The following ZFPM2 variants were observed in gnomAD, a reference collection of about 807,000 sequenced individuals.
ZFPM2 encodes zinc finger protein ZFPM2.
ZFPM2 carries 20 observed loss-of-function variants against 98.6 expected under a neutral mutation model. That is an observed-to-expected ratio of 0.20 (90% CI 0.14 to 0.29). The LOEUF (loss-of-function observed/expected upper bound fraction) is 0.29. Among genes scored for constraint, ZFPM2 ranks in the 10% least tolerant of loss-of-function variants. ZFPM2 has a pLI of 1.00. For missense variants in ZFPM2, 1,310 were observed against 1,388.6 expected, an observed-to-expected ratio of 0.94 and a Z score of 0.90; for synonymous variants, 518 against 502.7, an observed-to-expected ratio of 1.03 and a Z score of -0.41.
At chr8:105,660,496 G>A (rs567973933) in intron 5 of ZFPM2, among the ~76,000 whole-genome samples, 1 of 152,260 alleles carries the variant, frequency 6.6e-6, no homozygotes, top group African/African-American at 2.4e-5. Context: ...ATGGTAAAAG[G>A]AAGTATCATA....
At chr8:105,489,793 C>T (rs189997473) in intron 3 of ZFPM2, among the ~76,000 whole-genome samples, 1 of 152,060 alleles carries the variant, frequency 6.6e-6, no homozygotes, top group East Asian at 1.9e-4. Context: ...GAGTTGTTTT[C>T]TCATTCTTAA....
intron 3 of ZFPM2, among the ~76,000 whole-genome samples, chr8:105,526,399 GC>G (rs1409230195): frequency 6.6e-6 from 1 of 152,130 alleles, no homozygotes; most frequent in Admixed American, 6.6e-5. Context: ...TGAAGAAAAT[GC>G]AAGAAGAATG....
intron 4 of ZFPM2, among the ~76,000 whole-genome samples, chr8:105,588,830 A>G (rs1815781983): frequency 6.6e-6 from 1 of 152,152 alleles, no homozygotes. Flanking sequence ...TAGAGTAAGG[A>G]TGTATGTCAG....
intron 2 of ZFPM2, among the ~76,000 whole-genome samples, chr8:105,420,867 C>T (rs1034326167): frequency 3.9e-5 from 6 of 151,942 alleles, no homozygotes; most frequent in East Asian, 1.9e-4. Context: ...AAAGAGTTAA[C>T]GTATGGATTT....
intron 2 of ZFPM2, among the ~76,000 whole-genome samples, chr8:105,441,288 A>G (rs1386200406): frequency 1.3e-5 from 2 of 151,794 alleles, no homozygotes; most frequent in Admixed American, 6.6e-5. Context: ...TTCTGTAACT[A>G]TCATACTGTA....
chr8:105,574,323 T>A (rs1183026205), intron 4 of ZFPM2, among the ~76,000 whole-genome samples: 1 of 152,186 alleles, frequency 6.6e-6, no homozygotes, highest in Non-Finnish European at 1.5e-5. Flanking sequence ...AAAACACATA[T>A]TTTTAGGAAG....
intron 1 of ZFPM2, among the ~76,000 whole-genome samples, chr8:105,370,377 A>G (rs188020498): frequency 2.0e-3 from 302 of 152,320 alleles, no homozygotes; most frequent in African/African-American, 7.1e-3. Context: ...ACCTTTCCCA[A>G]ATTGTGACGT....
chr8:105,370,852 T>C (rs1313532344), intron 1 of ZFPM2, among the ~76,000 whole-genome samples: 2 of 152,216 alleles, frequency 1.3e-5, no homozygotes, highest in Admixed American at 1.3e-4. Flanking sequence ...GATCTGGGAT[T>C]TGAACGCAAC....
At position 105,803,004 on chromosome 8, in the gene ZFPM2, A is replaced by G. The variant is rs1814087216; in HGVS notation, c.2922A>G (p.Lys974=). The part of the protein sequence containing the change: ...PQCLYPGAIK[K]AKGADQLSPY... ...GCCTTTACCCTGGAGCAATAAAGAA[A>G]GCAAAAGGAGCCGACCAGCTTTCTC... Residue 974 remains lysine, a synonymous_variant, in exon 8 of 8, where the codon AAA becomes AAG. Coordinates refer to ENST00000407775, the MANE Select transcript of ZFPM2 (RefSeq NM_012082.4). 1 of 1,613,124 alleles carries G rather than the reference A, an allele frequency of 6.2e-7. No individual in the cohort carries two copies. Among genetic ancestry groups the G allele is most frequent in the South Asian group, 1.1e-5 (1 of 90,980 alleles).
intron 3 of ZFPM2, among the ~76,000 whole-genome samples, chr8:105,551,938 A>G (rs1250697614): frequency 1.9e-5 from 2 of 103,788 alleles, no homozygotes; most frequent in Non-Finnish European, 3.6e-5. Flanking sequence ...AATATCAGCA[A>G]TGACTTGTGA....
intron 1 of ZFPM2, among the ~76,000 whole-genome samples, chr8:105,325,560 G>A (rs190999641): frequency 1.3e-5 from 2 of 151,888 alleles, no homozygotes; most frequent in East Asian, 3.9e-4. Flanking sequence ...CTCTCTGATC[G>A]TCATGGCAAC....
chr8:105,626,198 C>G (rs1331935850), intron 4 of ZFPM2, among the ~76,000 whole-genome samples: 1 of 152,096 alleles, frequency 6.6e-6, no homozygotes, highest in African/African-American at 2.4e-5. Flanking sequence ...TGTTGAGACT[C>G]TAGACCATGC....
At chr8:105,489,253 T>C (rs1283763439) in intron 3 of ZFPM2, among the ~76,000 whole-genome samples, 2 of 151,860 alleles carry the variant, frequency 1.3e-5, no homozygotes, top group Non-Finnish European at 2.9e-5. Flanking sequence ...AAATATTCTC[T>C]ATTTAGAAGA....
Position 105,504,045 on chromosome 8 carries a change from G to C in ZFPM2, c.302-57318G>C, listed in dbSNP as rs73304127. On this transcript the variant is annotated intron_variant, in intron 3 of 7. Coordinates refer to ENST00000407775, the MANE Select transcript of ZFPM2 (RefSeq NM_012082.4). ...ATTTTTTAAATGTTTGTATTCTGTG[G>C]CTTGTCAAGAAGTAAGGAACAGGGC... Among the ~76,000 whole-genome samples the C allele has an allele frequency of 2.2e-3, 342 of 152,194 alleles. 3 individuals are homozygous for C. The highest frequency in any genetic ancestry group is 7.8e-3 in the African/African-American group (324 of 41,512).
At chr8:105,592,633 T>C (rs763448316) in intron 4 of ZFPM2, among the ~76,000 whole-genome samples, 2 of 152,120 alleles carry the variant, frequency 1.3e-5, no homozygotes, top group Non-Finnish European at 2.9e-5. Context: ...ATATAATATA[T>C]GCAGATATTG....
At chr8:105,320,109 C>T (rs972073268) in intron 1 of ZFPM2, among the ~76,000 whole-genome samples, 2 of 151,980 alleles carry the variant, frequency 1.3e-5, no homozygotes, top group East Asian at 1.9e-4. Context: ...GTATCCCTTT[C>T]CCCCCTGATT....
At chr8:105,630,105 A>G (rs571423197) in intron 4 of ZFPM2, among the ~76,000 whole-genome samples, 5 of 152,262 alleles carry the variant, frequency 3.3e-5, no homozygotes, top group African/African-American at 4.8e-5. Context: ...TGTTGTGCCA[A>G]TTGTACCCAT....
chr8:105,717,974 C>T (rs1163340684), intron 5 of ZFPM2, among the ~76,000 whole-genome samples: 1 of 151,692 alleles, frequency 6.6e-6, no homozygotes, highest in South Asian at 2.1e-4. Flanking sequence ...CTCCTACTAC[C>T]GAGAGACTGA....
chr8:105,630,901 A>C (rs1486787342), intron 4 of ZFPM2, among the ~76,000 whole-genome samples: 1 of 152,138 alleles, frequency 6.6e-6, no homozygotes, highest in Non-Finnish European at 1.5e-5. Flanking sequence ...ATTGCCCAAG[A>C]CTTTTCAATT....
Sources: allele counts gnomAD v4.1 joint callset (sites outside exome capture counted in the v4.1 genomes callset), GRCh38; gene constraint gnomAD v4.1.1; transcripts MANE v1.5; gene names NCBI Gene and HGNC (gene_info 2026-07-23, HGNC 2026-07-21).